CCDC190: variants seen among roughly 807,000 people sequenced by gnomAD.
CCDC190 encodes coiled-coil domain containing 190.
In CCDC190, 10 loss-of-function variants were observed where a neutral mutation model predicts 13.1. That is an observed-to-expected ratio of 0.77 (90% CI 0.47 to 1.30). CCDC190 has a LOEUF of 1.30. Among genes scored for constraint, CCDC190 ranks in the 50% most tolerant of loss-of-function variants. The probability of loss-of-function intolerance (pLI) is 0.00; values close to 1 mark genes in which losing one functional copy is unlikely to be tolerated. For synonymous variants in CCDC190, 136 were observed against 127.2 expected, an observed-to-expected ratio of 1.07 and a Z score of -0.47; for missense variants, 375 against 354.3, an observed-to-expected ratio of 1.06 and a Z score of -0.47.
chr1:162,861,006 A>T lies in CCDC190; in HGVS notation c.-13+2T>A. 2.0e-6 allele frequency: 2 copies of T among 984,622 alleles called. No individual in the cohort carries two copies. Among genetic ancestry groups the T allele is most frequent in the Non-Finnish European group, 2.4e-6 (2 of 829,236 alleles). 61.0% of individuals were successfully genotyped at this position (984,622 alleles called of 1,614,324 possible). A position where few individuals can be genotyped will look rare whatever the true frequency, so the allele number is the denominator to read the frequency against. ...TTAAAGAACAGGGCCAGTAGAACTT[A>T]CCTCCAAATCCAGAGTTTTCACCAT... On this transcript the variant is annotated splice_donor_variant, in intron 1 of 3. Coordinates refer to ENST00000367912, the MANE Select transcript of CCDC190 (RefSeq NM_001394065.1). LOFTEE classifies it low-confidence loss of function (5UTR_SPLICE).
intron 1 of CCDC190, among the ~76,000 whole-genome samples, chr1:162,868,032 TA>T (rs773983996): frequency 9.2e-5 from 14 of 152,174 alleles, no homozygotes; most frequent in Non-Finnish European, 1.6e-4. Context: ...CCTAAGGACT[TA>T]AACTGTGAAT....
rs60291705 is a variant in CCDC190 at position 162,852,899 on chromosome 1, C to T, written c.*1866G>A. ...TTGTGATGACGATAGGCAAGGCTTG[C>T]GTAGAAGACAAGAAGAAAGAACTTT... On this transcript the variant is annotated 3_prime_UTR_variant, in exon 4 of 4. Coordinates refer to ENST00000367912, the MANE Select transcript of CCDC190 (RefSeq NM_001394065.1). 4.1e-3 allele frequency: 2,264 copies of T among 555,654 alleles called. 46 individuals are homozygous for T. Among genetic ancestry groups the T allele is most frequent in the African/African-American group, 0.037 (1,956 of 53,052 alleles). The allele number at this position is 555,654 out of a possible 1,614,324, so 34.4% of individuals were successfully genotyped here.
upstream of CCDC190, among the ~76,000 whole-genome samples, chr1:162,862,425 G>A (rs1650553362): frequency 6.6e-6 from 1 of 152,200 alleles, no homozygotes; most frequent in Admixed American, 6.5e-5. Context: ...TGGCTCCATG[G>A]GAGGGAGCAG....
chr1:162,855,527 C>T, intron 3 of CCDC190, 105 bp downstream of exon 3: 2 of 1,529,912 alleles, frequency 1.3e-6, no homozygotes, highest in Non-Finnish European at 1.8e-6. Context: ...AAATGTCTCA[C>T]TTAAGAAGTG....
rs1281747636 is a variant in CCDC190, at chr1:162,853,767, G to A, written c.*998C>T. Reference sequence around the variant, plus strand: ...AGATTTGAATTTACCCACCACAGAGGCATGATTTCTTTGAGACCCACGGGG... The same window carrying A: ...AGATTTGAATTTACCCACCACAGAGACATGATTTCTTTGAGACCCACGGGG... On this transcript the variant is annotated 3_prime_UTR_variant, in exon 4 of 4. Transcript: ENST00000367912. 6.6e-6 allele frequency among the ~76,000 whole-genome samples: 1 copy of A among 152,164 alleles called. No homozygotes were observed. Among genetic ancestry groups the A allele is most frequent in the Non-Finnish European group, 1.5e-5 (1 of 68,026 alleles).
upstream of CCDC190, among the ~76,000 whole-genome samples, chr1:162,866,033 C>A (rs2102266412): frequency 6.6e-6 from 1 of 151,998 alleles, no homozygotes; most frequent in South Asian, 2.1e-4. Flanking sequence ...GATAATATAT[C>A]AATATACAAA....
upstream of CCDC190, among the ~76,000 whole-genome samples, chr1:162,864,181 C>A (rs1650622210): frequency 6.6e-6 from 1 of 152,062 alleles, no homozygotes; most frequent in Non-Finnish European, 1.5e-5. Context: ...ATTACACAGA[C>A]TTCCTACCAA....
At chr1:162,867,013 A>G (rs1650730601) in intron 1 of CCDC190, among the ~76,000 whole-genome samples, 1 of 152,130 alleles carries the variant, frequency 6.6e-6, no homozygotes. Flanking sequence ...ATAAGAAAAG[A>G]AAATTTTTGT....
At position 162,853,297 on chromosome 1, in the gene CCDC190, GTTA is replaced by G. The variant is rs1402118376; in HGVS notation, c.*1465_*1467del. 1.7e-6 allele frequency: 1 copy of G among 592,036 alleles called. No homozygotes were observed. Among genetic ancestry groups the G allele is most frequent in the Non-Finnish European group, 2.9e-6 (1 of 348,170 alleles). The allele number at this position is 592,036 out of a possible 1,614,324, so 36.7% of individuals were successfully genotyped here. ...ATGCTAGTCTGCCATCTATTAGCAA[GTTA>G]CCACCACTCTTCCCTCTATTTCCTT... On this transcript the variant is annotated 3_prime_UTR_variant, in exon 4 of 4. Coordinates refer to ENST00000367912, the MANE Select transcript of CCDC190 (RefSeq NM_001394065.1).
At chr1:162,856,952 C>G (rs1053019582) in intron 2 of CCDC190, among the ~76,000 whole-genome samples, 7 of 152,084 alleles carry the variant, frequency 4.6e-5, no homozygotes, top group Non-Finnish European at 8.8e-5. Flanking sequence ...GAAATTTAGA[C>G]CTATGGGCCC....
chr1:162,854,422 G>T lies in CCDC190; in HGVS notation c.*343C>A, dbSNP rs1423539546. On this transcript the variant is annotated 3_prime_UTR_variant, in exon 4 of 4. Transcript: ENST00000367912. The stretch of plus-strand genomic sequence containing the variant: ...GAATAGCTATGCCGTTTTGCCAGCA[G>T]GTGGCACCATGAGAATCTCCTAGAG... 3.8e-6 allele frequency: 4 copies of T among 1,054,932 alleles called. No homozygotes were observed. The highest frequency in any genetic ancestry group is 4.6e-6 in the Non-Finnish European group (4 of 873,236). 65.3% of individuals were successfully genotyped at this position (1,054,932 alleles called of 1,614,324 possible).
In CCDC190 at chr1:162,853,194, A is replaced by G; in HGVS notation, c.*1571T>C. On this transcript the variant is annotated 3_prime_UTR_variant, in exon 4 of 4. Transcript: ENST00000367912. ...AACTGACTCTCAAATGTTTGATCTA[A>G]GTTTTTGTCTTCAGATAGGTGGTAG... The G allele has an allele frequency of 6.6e-7, 1 of 1,524,380 alleles. No homozygotes were observed. The highest frequency in any genetic ancestry group is 8.8e-7 in the Non-Finnish European group (1 of 1,130,968). The allele number at this position is 1,524,380 out of a possible 1,614,324, so 94.4% of individuals were successfully genotyped here. A position where few individuals can be genotyped will look rare whatever the true frequency, so the allele number is the denominator to read the frequency against.
Position 162,853,143 on chromosome 1 carries a change from TTGAAGGCCAGAGGCTGGGCTGA to T in CCDC190, c.*1600_*1621del, listed in dbSNP as rs769211806. 9 of 1,549,268 alleles carry T rather than the reference TTGAAGGCCAGAGGCTGGGCTGA, an allele frequency of 5.8e-6. No individual in the cohort carries two copies. The South Asian group carries it at 1.1e-4, about 19-fold the overall frequency. ...TTCACTATAAAGTATTGTCTCCCCATTGAAGGCCAGAGGCTGGGCTGATGAAACTGACTCTCAAATGTTTGAT... is the reference window on the plus strand; with the variant it reads ...TTCACTATAAAGTATTGTCTCCCCATTGAAACTGACTCTCAAATGTTTGAT... On this transcript the variant is annotated 3_prime_UTR_variant, in exon 4 of 4. Transcript: ENST00000367912.
At chr1:162,863,275 C>G (rs1223522212), upstream of CCDC190, among the ~76,000 whole-genome samples, 1 of 152,158 alleles carries the variant, frequency 6.6e-6, no homozygotes, top group African/African-American at 2.4e-5. Context: ...CATTTATAGA[C>G]TATGTGACTG....
At chr1:162,859,782 T>C (rs1318733931) in intron 1 of CCDC190, 124 bp from the exon 2 acceptor site, 1 of 700,544 alleles carries the variant, frequency 1.4e-6, no homozygotes, top group African/African-American at 1.8e-5. Flanking sequence ...CCTAGTCAGA[T>C]GAAATCACAC....
At chr1:162,868,532 AC>A (rs1296558482) in intron 1 of CCDC190, 2 of 152,296 alleles carry the variant, frequency 1.3e-5, no homozygotes, top group Non-Finnish European at 2.9e-5. Context: ...CTCCTGCAGG[AC>A]CCGGGAGAAC....
upstream of CCDC190, among the ~76,000 whole-genome samples, chr1:162,862,648 C>A (rs572880742): frequency 2.6e-5 from 4 of 152,204 alleles, no homozygotes; most frequent in African/African-American, 9.6e-5. Context: ...GAATATCTAT[C>A]TATGGGAACA....
At chr1:162,855,955 AACACACAGAC>A in intron 2 of CCDC190, 200 bp from the exon 3 acceptor site, 1 of 462,290 alleles carries the variant, frequency 2.2e-6, no homozygotes, top group East Asian at 4.0e-5. Context: ...AGGAACTTAG[AACACACAGAC>A]ACACACAGGG....
intron 2 of CCDC190, among the ~76,000 whole-genome samples, chr1:162,858,166 G>C (rs1234048053): frequency 6.6e-6 from 1 of 152,186 alleles, no homozygotes; most frequent in Non-Finnish European, 1.5e-5. Flanking sequence ...GAGGCTTAGA[G>C]AGAATATGAC....
Sources: allele counts gnomAD v4.1 joint callset (sites outside exome capture counted in the v4.1 genomes callset), GRCh38; gene constraint gnomAD v4.1.1; transcripts MANE v1.5; gene names NCBI Gene and HGNC (gene_info 2026-07-23, HGNC 2026-07-21).